The following DNM2 variants were observed in gnomAD, a reference collection of about 807,000 sequenced individuals.
DNM2 encodes the protein dynamin-2.
In DNM2, 15 loss-of-function variants were observed where a neutral mutation model predicts 99.0. The ratio of observed to expected loss-of-function variants is 0.15; its 90% CI spans 0.10 to 0.23. The LOEUF is 0.23. Among genes scored for constraint, DNM2 ranks in the 10% least tolerant of loss-of-function variants. The pLI is 1.00. For missense variants in DNM2, 742 were observed against 1,189.4 expected, an observed-to-expected ratio of 0.62 and a Z score of 5.53; for synonymous variants, 525 against 481.2, an observed-to-expected ratio of 1.09 and a Z score of -1.19.
rs2073338758 is a variant in DNM2 at position 10,831,166 on chromosome 19, C to G, written c.*119C>G. 2 of 1,443,200 alleles carry G rather than the reference C, an allele frequency of 1.4e-6. No individual in the cohort carries two copies. The highest frequency in any genetic ancestry group is 2.9e-5 in the African/African-American group (2 of 68,812). The allele number at this position is 1,443,200 out of a possible 1,614,324, so 89.4% of individuals were successfully genotyped here. On this transcript the variant is annotated 3_prime_UTR_variant, in exon 21 of 21. Transcript: ENST00000389253. This position sits in a 1 kb window ranked among gnomAD's most constrained non-coding sequence, Gnocchi z 4.3. The stretch of plus-strand genomic sequence containing the variant: ...CCAGGCTCCCAGTGGGCAGCCCTGG[C>G]CTCTTCCTTAACGCTGGCCCCGGTC...
intron 12 of DNM2, among the ~76,000 whole-genome samples, chr19:10,803,075 C>A (rs2072211697): frequency 6.6e-6 from 1 of 152,190 alleles, no homozygotes; most frequent in Non-Finnish European, 1.5e-5. Context: ...CAGCTCCCCA[C>A]CCTCAGAGGA....
At chr19:10,747,642 C>T (rs1455719539) in intron 1 of DNM2, among the ~76,000 whole-genome samples, 1 of 152,194 alleles carries the variant, frequency 6.6e-6, no homozygotes, top group Admixed American at 6.5e-5. Context: ...CATTGGTCAT[C>T]TGCCTCCTGC....
At chr19:10,819,087 C>CCGTGG (rs1568318226) in intron 15 of DNM2, among the ~76,000 whole-genome samples, 2 of 152,148 alleles carry the variant, frequency 1.3e-5, no homozygotes, top group Non-Finnish European at 2.9e-5. Flanking sequence ...GTCTGGACAG[C>CCGTGG]CGTGGCTGGC....
At chr19:10,822,074 G>A (rs1372031335) in intron 16 of DNM2, among the ~76,000 whole-genome samples, 4 of 152,196 alleles carry the variant, frequency 2.6e-5, no homozygotes, top group Admixed American at 2.6e-4. Context: ...GAAAATGTGC[G>A]TGGCATGTGG....
At chr19:10,730,112 C>T (rs1004529377) in intron 1 of DNM2, among the ~76,000 whole-genome samples, 6 of 152,270 alleles carry the variant, frequency 3.9e-5, no homozygotes, top group South Asian at 2.1e-4. Context: ...GATCCTTTCA[C>T]GTTGGCCCCC....
rs1219665665 is a variant in DNM2, at chr19:10,831,273, G to T, written c.*226G>T. The T allele has an allele frequency of 1.5e-6, 2 of 1,306,528 alleles. No individual in the cohort carries two copies. Among genetic ancestry groups the T allele is most frequent in the Non-Finnish European group, 1.9e-6 (2 of 1,030,602 alleles). The allele number at this position is 1,306,528 out of a possible 1,614,324, so 80.9% of individuals were successfully genotyped here. Reference sequence around the variant, plus strand: ...TCCAGGCAGGGGGCGCTGGGGTGTTGCACTTTGGGGGATGGAGTCTCAGGG... The same window carrying T: ...TCCAGGCAGGGGGCGCTGGGGTGTTTCACTTTGGGGGATGGAGTCTCAGGG... On this transcript the variant is annotated 3_prime_UTR_variant, in exon 21 of 21. Transcript: ENST00000389253. The surrounding 1 kb of genome is among the most constrained non-coding windows in gnomAD (Gnocchi z 4.3).
chr19:10,741,566 T>C (rs2069749954), intron 1 of DNM2, among the ~76,000 whole-genome samples: 1 of 151,252 alleles, frequency 6.6e-6, no homozygotes, highest in African/African-American at 2.4e-5. Context: ...TTTTTTTTTT[T>C]TGAGACAGAG....
At chr19:10,806,220 G>A (rs1323048472) in intron 13 of DNM2, among the ~76,000 whole-genome samples, 1 of 152,178 alleles carries the variant, frequency 6.6e-6, no homozygotes, top group African/African-American at 2.4e-5. Context: ...CCAAGGCCAG[G>A]GTTAGAACTT....
intron 15 of DNM2, among the ~76,000 whole-genome samples, chr19:10,813,445 G>C (rs547826460): frequency 1.0e-3 from 153 of 152,290 alleles, no homozygotes; most frequent in East Asian, 7.7e-4. Context: ...TAATGATCAC[G>C]GCAGAGTGTT....
intron 15 of DNM2, among the ~76,000 whole-genome samples, chr19:10,819,611 GC>G (rs140454373): frequency 2.9e-3 from 436 of 152,250 alleles, no homozygotes; most frequent in African/African-American, 0.01. Context: ...AGGCAGTCAG[GC>G]ACCTAGGTCA....
At chr19:10,784,926 T>C (rs2071506641) in intron 6 of DNM2, among the ~76,000 whole-genome samples, 1 of 138,844 alleles carries the variant, frequency 7.2e-6, no homozygotes, top group Non-Finnish European at 1.5e-5. Flanking sequence ...CAGGTTCAAG[T>C]GATTCTCATG....
chr19:10,786,511 C>T lies in DNM2; in HGVS notation c.850-53C>T, dbSNP rs527643558. ...GGTTGGGGGGAGTGTGTCTGCCACT[C>T]CCTGGTATCCTGCCCATGCCACCCT... is the stretch of plus-strand genomic sequence containing the variant. On this transcript the variant is annotated intron_variant, in intron 6 of 20. Transcript: ENST00000389253. 768 of 1,612,168 alleles carry T rather than the reference C, an allele frequency of 4.8e-4. 4 individuals carry two copies. The African/African-American group carries it at 9.1e-3, about 19-fold the overall frequency.
intron 10 of DNM2, among the ~76,000 whole-genome samples, chr19:10,797,763 C>T (rs915961002): frequency 1.3e-5 from 2 of 152,196 alleles, no homozygotes; most frequent in African/African-American, 2.4e-5. Context: ...ATTTACTAAG[C>T]AGTGCCCTTT....
chr19:10,826,570 C>G (rs1193137985), intron 18 of DNM2, among the ~76,000 whole-genome samples: 1 of 152,216 alleles, frequency 6.6e-6, no homozygotes, highest in Non-Finnish European at 1.5e-5. Flanking sequence ...TGGCATGGCA[C>G]TAGCCACTCA....
chr19:10,739,220 A>T (rs1008158761), intron 1 of DNM2, among the ~76,000 whole-genome samples: 6 of 152,240 alleles, frequency 3.9e-5, no homozygotes, highest in Non-Finnish European at 7.3e-5. Flanking sequence ...TTGTTCTTCT[A>T]TGGGGACATG....
rs1187252149 is a variant in DNM2 at position 10,772,340 on chromosome 19, A to G, written c.236-139A>G. On this transcript the variant is annotated intron_variant, in intron 2 of 20. Coordinates refer to ENST00000389253, the MANE Select transcript of DNM2 (RefSeq NM_001005361.3). This position sits in a 1 kb window ranked among gnomAD's most constrained non-coding sequence, Gnocchi z 4.9. ...GTGATCTGCCCACCTCTGCCTCCCAAAGTGCTGGGATTACAGGCGTGAGCT... is the reference window on the plus strand; with the variant it reads ...GTGATCTGCCCACCTCTGCCTCCCAGAGTGCTGGGATTACAGGCGTGAGCT... 24 of 1,126,942 alleles carry G rather than the reference A, an allele frequency of 2.1e-5. No homozygotes were observed. The highest frequency in any genetic ancestry group is 3.0e-5 in the Non-Finnish European group (23 of 758,074). The allele number at this position is 1,126,942 out of a possible 1,614,324, so 69.8% of individuals were successfully genotyped here.
At chr19:10,730,853 G>A (rs1018533347) in intron 1 of DNM2, among the ~76,000 whole-genome samples, 1 of 152,156 alleles carries the variant, frequency 6.6e-6, no homozygotes, top group Non-Finnish European at 1.5e-5. Context: ...GCCCTGGCAG[G>A]GGCAGGCACC....
chr19:10,740,140 A>G (rs2069690039), intron 1 of DNM2, among the ~76,000 whole-genome samples: 1 of 151,838 alleles, frequency 6.6e-6, no homozygotes, highest in Admixed American at 6.6e-5. Flanking sequence ...GATTTTTGTA[A>G]TTTGAGTCTT....
intron 5 of DNM2, among the ~76,000 whole-genome samples, chr19:10,781,068 T>C (rs2071354202): frequency 6.7e-6 from 1 of 150,124 alleles, no homozygotes; most frequent in Admixed American, 6.6e-5. Context: ...CACGTGCCTG[T>C]ACTCCCAGCT....
Sources: allele counts gnomAD v4.1 joint callset (sites outside exome capture counted in the v4.1 genomes callset), GRCh38; gene constraint gnomAD v4.1.1; non-coding constraint Gnocchi (gnomAD v3.1); transcripts MANE v1.5; gene names NCBI Gene and HGNC (gene_info 2026-07-23, HGNC 2026-07-21).